Variants in ANKMY2 observed in about 807,000 individuals in gnomAD.
ANKMY2 encodes ankyrin repeat and MYND domain-containing protein 2.
A neutral mutation model predicts 50.4 loss-of-function variants in ANKMY2; 36 were observed. The ratio of observed to expected loss-of-function variants is 0.71; its 90% CI spans 0.55 to 0.94. The LOEUF is 0.94. Among genes scored for constraint, ANKMY2 ranks in the 40% least tolerant of loss-of-function variants. The pLI, the probability that ANKMY2 is intolerant of heterozygous loss-of-function variation, is 0.00. For missense variants in ANKMY2, 565 were observed against 524.0 expected (o/e 1.08, Z -0.76); for synonymous variants, 187 against 178.8 (o/e 1.05, Z -0.36).
intron 7 of ANKMY2, 151 bp downstream of exon 7, chr7:16,609,479 C>G: frequency 2.6e-6 from 2 of 778,622 alleles, no homozygotes; most frequent in Non-Finnish European, 3.7e-6. Flanking sequence ...TAAACAGGAA[C>G]AGGTTTGGCA....
Position 16,609,618 on chromosome 7 carries a change from G to GTTTT in ANKMY2, c.882+11_882+12insAAAA. On this transcript the variant is annotated intron_variant, in intron 7 of 9. Coordinates refer to ENST00000306999, the MANE Select transcript of ANKMY2 (RefSeq NM_020319.3). Reference sequence around the variant, plus strand: ...TTACTGATAGAGTCAACTTAGGTAAGAGGAGCCTTACAATTTCAACAGGAG... The same window carrying GTTTT: ...TTACTGATAGAGTCAACTTAGGTAAGTTTTAGGAGCCTTACAATTTCAACAGGAG... 6.3e-7 allele frequency: 1 copy of GTTTT among 1,594,124 alleles called. No individual in the cohort carries two copies. The highest frequency in any genetic ancestry group is 8.5e-7 in the Non-Finnish European group (1 of 1,174,360).
In ANKMY2 at chr7:16,625,056, C is replaced by T. The variant is rs148319742; in HGVS notation, c.297G>A (p.Met99Ile). 1.4e-5 allele frequency: 23 copies of T among 1,613,974 alleles called. No homozygotes were observed. In the African/African-American group the frequency reaches 2.1e-4, roughly 15 times the overall value. ...LSGNKDITWV[M>I]LEAGAETDVV... is the part of the protein sequence containing the mutation. ...CATCTGTCTCAGCACCAGCTTCTAA[C>T]ATTACCCATGTGATGTCTTTATTAC... Residue 99 changes from methionine (M) to isoleucine (I), a missense_variant, in exon 4 of 10, where the codon ATG becomes ATA. Met to Ile is a conservative substitution (Grantham distance 10). Transcript: ENST00000306999.
rs138940800 is a variant in ANKMY2, at chr7:16,636,365, C to A, written c.132+26G>T. ...TATCTCTTCTTATAGGAAGTAAAAT[C>A]CTTTATTAAACTTCTAAAATCTTAC... On this transcript the variant is annotated intron_variant, in intron 2 of 9. Coordinates refer to ENST00000306999, the MANE Select transcript of ANKMY2 (RefSeq NM_020319.3). The A allele has an allele frequency of 2.9e-4, 296 of 1,022,420 alleles. 2 individuals are homozygous for A. In the African/African-American group the frequency reaches 4.3e-3, roughly 15 times the overall value. 63.3% of individuals were successfully genotyped at this position (1,022,420 alleles called of 1,614,324 possible). A position where few individuals can be genotyped will look rare whatever the true frequency, so the allele number is the denominator to read the frequency against.
At chr7:16,609,365 G>A (rs1781209241) in intron 7 of ANKMY2, among the ~76,000 whole-genome samples, 1 of 152,110 alleles carries the variant, frequency 6.6e-6, no homozygotes, top group South Asian at 2.1e-4. Context: ...TACTTAAAAT[G>A]TAAGTTTCTA....
chr7:16,605,678 T>TTG (rs1340881074), intron 7 of ANKMY2, among the ~76,000 whole-genome samples: 4 of 131,306 alleles, frequency 3.0e-5, no homozygotes, highest in Non-Finnish European at 3.3e-5. Flanking sequence ...TTTGTACTTT[T>TTG]TTTTTTTTTT....
chr7:16,602,189 C>G (rs1260488468), intron 9 of ANKMY2, among the ~76,000 whole-genome samples, 191 bp downstream of exon 9: 1 of 152,068 alleles, frequency 6.6e-6, no homozygotes, highest in Non-Finnish European at 1.5e-5. Flanking sequence ...CTCTGTTTTC[C>G]AGTGATGTCC....
intron 4 of ANKMY2, among the ~76,000 whole-genome samples, chr7:16,622,171 G>C (rs1468173200): frequency 6.6e-6 from 1 of 152,018 alleles, no homozygotes; most frequent in Non-Finnish European, 1.5e-5. Flanking sequence ...TTAGATAATG[G>C]ATTTGTATGC....
At chr7:16,626,704 G>A (rs926654990) in intron 3 of ANKMY2, among the ~76,000 whole-genome samples, 3 of 152,154 alleles carry the variant, frequency 2.0e-5, no homozygotes, top group African/African-American at 7.2e-5. Flanking sequence ...GTTTGATCAA[G>A]AGAAGAAAGA....
chr7:16,618,969 C>T (rs1235585537), intron 4 of ANKMY2, among the ~76,000 whole-genome samples: 2 of 152,092 alleles, frequency 1.3e-5, no homozygotes, highest in Non-Finnish European at 2.9e-5. Flanking sequence ...CTGAACCAGA[C>T]ATATGAAGAC....
chr7:16,606,059 C>T (rs920066044), intron 7 of ANKMY2, among the ~76,000 whole-genome samples: 14 of 152,028 alleles, frequency 9.2e-5, no homozygotes, highest in African/African-American at 3.1e-4. Context: ...CCTCGTGGTT[C>T]GCCCGCCTTG....
chr7:16,628,726 A>G (rs1781539278), intron 2 of ANKMY2, among the ~76,000 whole-genome samples: 1 of 152,152 alleles, frequency 6.6e-6, no homozygotes, highest in Non-Finnish European at 1.5e-5. Context: ...AAAGGCCACC[A>G]CAAAGAAGCA....
At chr7:16,610,863 G>A (rs1753732186) in intron 5 of ANKMY2, 100 bp from the exon 6 acceptor site, 1 of 1,008,408 alleles carries the variant, frequency 9.9e-7, no homozygotes, top group Non-Finnish European at 1.4e-6. Context: ...ACCAAAGAAA[G>A]CCTTCCTTAG....
intron 7 of ANKMY2, among the ~76,000 whole-genome samples, chr7:16,607,716 GT>G (rs1163225743): frequency 3.0e-5 from 3 of 98,632 alleles, no homozygotes; most frequent in Non-Finnish European, 6.4e-5. Context: ...TGCTGTTTTA[GT>G]TTTTCTGTTT....
intron 2 of ANKMY2, among the ~76,000 whole-genome samples, chr7:16,634,223 T>C (rs985420319): frequency 1.3e-5 from 2 of 152,174 alleles, no homozygotes; most frequent in African/African-American, 4.8e-5. Context: ...AGCCAAGATA[T>C]AGTAACAGAA....
chr7:16,634,284 T>C (rs1378932795), intron 2 of ANKMY2, among the ~76,000 whole-genome samples: 1 of 152,182 alleles, frequency 6.6e-6, no homozygotes, highest in African/African-American at 2.4e-5. Context: ...AAAATAACAA[T>C]TTGCAAGACA....
chr7:16,620,591 T>TACACACACACACAC (rs58418780), intron 4 of ANKMY2, among the ~76,000 whole-genome samples: 3,498 of 145,484 alleles, frequency 0.024, 154 homozygotes, highest in African/African-American at 0.085. Context: ...AATACATGTG[T>TACACACACACACAC]ACACACACAC....
Position 16,600,934 on chromosome 7 carries a change from CAA to C in ANKMY2, c.1151_1152del (p.Leu384ArgfsTer5), listed in dbSNP as rs1781050683. On this transcript the variant is annotated frameshift_variant, in exon 10 of 10. Transcript: ENST00000306999. LOFTEE classifies it high-confidence loss of function. ...TCATTAACACAGTTAGAATTGACAT[CAA>C]GTTTGCCGTCTGATTAAAAAAAGAA... Reference protein sequence around the residue: ...EKRQEENHGKLDVNSNCVNEE... With the variant: ...EKRQEENHGKXDVNSNCVNEE... The C allele has an allele frequency of 6.3e-7, 1 of 1,589,696 alleles. No individual in the cohort carries two copies. Among genetic ancestry groups the C allele is most frequent in the African/African-American group, 1.4e-5 (1 of 73,834 alleles).
At chr7:16,610,021 C>A (rs1028742057) in intron 6 of ANKMY2, among the ~76,000 whole-genome samples, 1 of 152,182 alleles carries the variant, frequency 6.6e-6, no homozygotes, top group Non-Finnish European at 1.5e-5. Flanking sequence ...ATCAGATTAG[C>A]TAGTTACTTA....
chr7:16,625,897 G>C (rs1781499797), intron 3 of ANKMY2, among the ~76,000 whole-genome samples: 1 of 151,150 alleles, frequency 6.6e-6, no homozygotes, highest in Non-Finnish European at 1.5e-5. Flanking sequence ...TTTATATTTT[G>C]ATCAGCCAGT....
Sources: allele counts gnomAD v4.1 joint callset (sites outside exome capture counted in the v4.1 genomes callset), GRCh38; gene constraint gnomAD v4.1.1; transcripts MANE v1.5; gene names NCBI Gene and HGNC (gene_info 2026-07-23, HGNC 2026-07-21).